SDK1: variants seen among roughly 807,000 people sequenced by gnomAD.
The protein encoded by SDK1 is protein sidekick-1.
Under a neutral mutation model 245.5 loss-of-function variants are expected in SDK1, and 157 were observed. That is an observed-to-expected ratio of 0.64 (90% CI 0.56 to 0.73). The LOEUF (loss-of-function observed/expected upper bound fraction) is 0.73. Ranked by LOEUF, SDK1 falls within the 30% of genes least tolerant of loss-of-function variation. The probability of loss-of-function intolerance (pLI) is 0.00; values close to 1 mark genes in which losing one functional copy is unlikely to be tolerated. For missense variants in SDK1, 3,583 were observed against 3,002.3 expected (o/e 1.19, Z -4.52); for synonymous variants, 1,647 against 1,278.5 (o/e 1.29, Z -6.15).
intron 1 of SDK1, among the ~76,000 whole-genome samples, chr7:3,458,895 T>C (rs1249742012): frequency 6.6e-6 from 1 of 152,218 alleles, no homozygotes. Context: ...TCTTTATGTT[T>C]GGTAATGAAA....
intron 1 of SDK1, among the ~76,000 whole-genome samples, chr7:3,442,637 C>A (rs896815415): frequency 4.6e-5 from 7 of 152,148 alleles, no homozygotes; most frequent in Admixed American, 3.9e-4. Context: ...TTTCTCTAAG[C>A]CTATTTTCTT....
chr7:4,019,405 G>C (rs977759071), intron 17 of SDK1, among the ~76,000 whole-genome samples: 1 of 152,168 alleles, frequency 6.6e-6, no homozygotes. Context: ...GAGATTTGGC[G>C]AGGGACTGTG....
chr7:3,981,985 C>G (rs1277947959), intron 13 of SDK1, among the ~76,000 whole-genome samples: 1 of 152,232 alleles, frequency 6.6e-6, no homozygotes, highest in Non-Finnish European at 1.5e-5. Context: ...AAGATACCAT[C>G]TAGGACTTTC....
rs529182426 is a variant in SDK1, at chr7:3,852,177, CT to C, written c.847+30608del. ...CTTTGGACGAGAGTGTGGGTCTAGG[CT>C]TTTTTTTTTTTTTAACTTGAGATTC... On this transcript the variant is annotated intron_variant, in intron 5 of 44. Transcript: ENST00000404826. Among the ~76,000 whole-genome samples, 1,346 of 134,828 alleles carry C rather than the reference CT, an allele frequency of 1.0e-2. 11 individuals are homozygous for C. Among genetic ancestry groups the C allele is most frequent in the African/African-American group, 0.023 (845 of 36,836 alleles). The allele number at this position is 134,828 out of a possible 152,430, so 88.5% of individuals were successfully genotyped here. A position where few individuals can be genotyped will look rare whatever the true frequency, so the allele number is the denominator to read the frequency against.
At chr7:4,248,051 C>CA in intron 44 of SDK1, among the ~76,000 whole-genome samples, 1 of 152,278 alleles carries the variant, frequency 6.6e-6, no homozygotes, top group Admixed American at 6.5e-5. Flanking sequence ...TTTCTCCCCC[C>CA]AACATATGTG....
chr7:4,234,686 C>T (rs1390871696), intron 41 of SDK1, among the ~76,000 whole-genome samples: 1 of 152,196 alleles, frequency 6.6e-6, no homozygotes, highest in Non-Finnish European at 1.5e-5. Flanking sequence ...TAAACACACA[C>T]CCTCGCTGGC....
At chr7:3,566,848 A>G (rs1422105541) in intron 1 of SDK1, among the ~76,000 whole-genome samples, 3 of 152,188 alleles carry the variant, frequency 2.0e-5, no homozygotes, top group East Asian at 1.9e-4. Flanking sequence ...ATTATTACCG[A>G]GAGAAATAAG....
At chr7:4,151,928 T>A (rs1364747397) in intron 30 of SDK1, among the ~76,000 whole-genome samples, 1 of 152,244 alleles carries the variant, frequency 6.6e-6, no homozygotes, top group African/African-American at 2.4e-5. Context: ...GTCCACGTCC[T>A]ACAGTTAATT....
At chr7:3,754,243 A>G (rs534840882) in intron 4 of SDK1, among the ~76,000 whole-genome samples, 1 of 152,294 alleles carries the variant, frequency 6.6e-6, no homozygotes, top group Admixed American at 6.5e-5. Context: ...ATTAAGTTAT[A>G]ATTGAATATT....
At chr7:3,504,182 A>ATATGTGTGTGTGTGTGTGTGTGTGTGTG (rs375661314) in intron 1 of SDK1, among the ~76,000 whole-genome samples, 4 of 131,884 alleles carry the variant, frequency 3.0e-5, no homozygotes, top group South Asian at 2.8e-4. Flanking sequence ...ATATATATAT[A>ATATGTGTGTGTGTGTGTGTGTGTGTGTG]TGTGTGTGTG....
chr7:3,595,133 AC>A (rs1316777812), intron 1 of SDK1, among the ~76,000 whole-genome samples: 1 of 152,040 alleles, frequency 6.6e-6, no homozygotes. Flanking sequence ...TCTCCCGATT[AC>A]TTTTTTTTTG....
At chr7:3,660,850 A>G (rs761701249) in intron 4 of SDK1, among the ~76,000 whole-genome samples, 1 of 152,220 alleles carries the variant, frequency 6.6e-6, no homozygotes, top group African/African-American at 2.4e-5. Flanking sequence ...TTCTTCTTCA[A>G]TCTAGACTTG....
At chr7:3,684,750 C>G (rs917336879) in intron 4 of SDK1, among the ~76,000 whole-genome samples, 3 of 94,574 alleles carry the variant, frequency 3.2e-5, no homozygotes, top group Non-Finnish European at 4.4e-5. Flanking sequence ...TTTGAATTCT[C>G]TTGAAATAAA....
chr7:3,528,663 A>G (rs181883106), intron 1 of SDK1, among the ~76,000 whole-genome samples: 2 of 152,258 alleles, frequency 1.3e-5, no homozygotes, highest in African/African-American at 4.8e-5. Flanking sequence ...GATCACCCTG[A>G]AAATGGTGAG....
intron 1 of SDK1, among the ~76,000 whole-genome samples, chr7:3,419,850 A>G (rs918915863): frequency 1.3e-5 from 2 of 152,212 alleles, no homozygotes; most frequent in Non-Finnish European, 1.5e-5. Context: ...GCCTGGTATT[A>G]ATCCCTGTCT....
intron 1 of SDK1, among the ~76,000 whole-genome samples, chr7:3,429,090 G>T (rs1476141682): frequency 2.0e-5 from 3 of 152,170 alleles, no homozygotes; most frequent in Non-Finnish European, 4.4e-5. Flanking sequence ...AAATTTGAAA[G>T]TTGTAAGATA....
At chr7:3,661,192 T>C (rs919674359) in intron 4 of SDK1, among the ~76,000 whole-genome samples, 4 of 152,240 alleles carry the variant, frequency 2.6e-5, no homozygotes, top group African/African-American at 9.6e-5. Flanking sequence ...TTTGAACAAC[T>C]AATTGACTAT....
At chr7:3,495,925 C>T (rs1282020520) in intron 1 of SDK1, among the ~76,000 whole-genome samples, 1 of 152,188 alleles carries the variant, frequency 6.6e-6, no homozygotes, top group African/African-American at 2.4e-5. Context: ...CTTTTCAAAG[C>T]TTCAGTTCAC....
At chr7:3,500,271 C>A (rs1453341461) in intron 1 of SDK1, among the ~76,000 whole-genome samples, 4 of 152,090 alleles carry the variant, frequency 2.6e-5, no homozygotes, top group Non-Finnish European at 5.9e-5. Context: ...TTTCTTATAT[C>A]CCCTATTTTC....
Sources: gnomAD v4.1 joint callset for allele counts (sites outside exome capture counted in the v4.1 genomes callset) on GRCh38, gnomAD v4.1.1 for gene constraint, MANE v1.5 for transcripts, NCBI Gene and HGNC (gene_info 2026-07-23, HGNC 2026-07-21) for gene names.